Variants in ZNF880 observed in about 807,000 individuals in gnomAD.
ZNF880 encodes zinc finger protein 880.
In ZNF880, 12 loss-of-function variants were observed where a neutral mutation model predicts 11.8. That is an observed-to-expected ratio of 1.02 (90% CI 0.65 to 1.65). ZNF880 has a LOEUF of 1.65. Ranked by LOEUF, ZNF880 falls within the 40% of genes most tolerant of loss-of-function variation. ZNF880 has a pLI of 0.00. For missense variants in ZNF880, 601 were observed against 673.9 expected, an observed-to-expected ratio of 0.89 and a Z score of 1.20; for synonymous variants, 210 against 232.4, an observed-to-expected ratio of 0.90 and a Z score of 0.88.
chr19:52,368,973 CAAAAAAAAAAAAAAAAA>C (rs3029482), upstream of ZNF880, among the ~76,000 whole-genome samples: 1 of 71,854 alleles, frequency 1.4e-5, no homozygotes, highest in Admixed American at 2.2e-4. Flanking sequence ...GAGACCATCT[CAAAAAAAAAAAAAAAAA>C]AAAAAAAAAA....
chr19:52,368,092 G>C (rs1210240303), upstream of ZNF880, among the ~76,000 whole-genome samples: 1 of 151,526 alleles, frequency 6.6e-6, no homozygotes, highest in Non-Finnish European at 1.5e-5. Flanking sequence ...TGTAATCCCA[G>C]CTACTTGGGA....
At chr19:52,393,870 T>A in the ZNF880 span, among the ~76,000 whole-genome samples, 1 of 127,042 alleles carries the variant, frequency 7.9e-6, no homozygotes, top group African/African-American at 2.9e-5. Flanking sequence ...GGAGTCTTGC[T>A]CTGTCGCCCA....
chr19:52,376,542 C>A (rs1334300668), intron 3 of ZNF880, among the ~76,000 whole-genome samples: 3 of 106,910 alleles, frequency 2.8e-5, no homozygotes, highest in Non-Finnish European at 5.2e-5. Context: ...CAGCGTCTTG[C>A]TCTGTCGCCC....
the ZNF880 span, among the ~76,000 whole-genome samples, chr19:52,393,613 C>G: frequency 1.7e-4 from 26 of 152,140 alleles, no homozygotes; most frequent in South Asian, 1.0e-3. Context: ...TTCTACATAA[C>G]TGCTAACCTT....
At chr19:52,383,724 T>TA in intron 3 of ZNF880, 125 bp from the exon 4 acceptor site, 1 of 1,044,530 alleles carries the variant, frequency 9.6e-7, no homozygotes, top group Non-Finnish European at 1.4e-6. Context: ...GCCAGCATGA[T>TA]ACACACAGTA....
intron 3 of ZNF880, 145 bp from the exon 4 acceptor site, chr19:52,383,704 T>C: frequency 2.2e-6 from 2 of 901,516 alleles, no homozygotes; most frequent in Non-Finnish European, 3.4e-6. Context: ...TCCCTTTTGT[T>C]TTCTGCACTG....
upstream of ZNF880, chr19:52,369,863 C>T: frequency 1.4e-6 from 2 of 1,452,480 alleles, no homozygotes; most frequent in Non-Finnish European, 1.9e-6. Flanking sequence ...CGGAGGGAAG[C>T]GCAGGCTCCG....
downstream of ZNF880, among the ~76,000 whole-genome samples, chr19:52,387,241 TGTG>T (rs1219016304): frequency 1.3e-4 from 18 of 143,994 alleles, 2 homozygotes; most frequent in East Asian, 4.0e-4. Flanking sequence ...TGCACACACT[TGTG>T]GTGCATATCC....
chr19:52,366,875 A>C (rs1986125561), upstream of ZNF880: 1 of 816,226 alleles, frequency 1.2e-6, no homozygotes, highest in Non-Finnish European at 1.9e-6. Flanking sequence ...GTTTGCATTG[A>C]AGCCTCATCA....
intron 2 of ZNF880, 61 bp from the exon 3 acceptor site, chr19:52,374,238 A>C: frequency 2.9e-6 from 4 of 1,369,448 alleles, no homozygotes; most frequent in Non-Finnish European, 3.9e-6. Flanking sequence ...ATTTTTTAGT[A>C]GAGATGGGGT....
chr19:52,390,359 G>C (rs2058703389), downstream of ZNF880: 1 of 419,562 alleles, frequency 2.4e-6, no homozygotes, highest in South Asian at 1.7e-5. Flanking sequence ...ACTCTTCCTG[G>C]TCCTGGGATC....
At chr19:52,382,607 A>T (rs1409787375) in intron 3 of ZNF880, among the ~76,000 whole-genome samples, 1 of 152,176 alleles carries the variant, frequency 6.6e-6, no homozygotes, top group Non-Finnish European at 1.5e-5. Flanking sequence ...ATTTCCTCTC[A>T]CTGCCTTCTA....
the ZNF880 span, among the ~76,000 whole-genome samples, chr19:52,394,091 G>A: frequency 5.7e-4 from 87 of 151,700 alleles, 1 homozygote; most frequent in East Asian, 3.5e-3. Context: ...CACCTGCCTT[G>A]GCCTCCCAAA....
rs199978957 is a variant in ZNF880 at position 52,374,330 on chromosome 19, C to T, written c.171C>T (p.Ser57=). The T allele has an allele frequency of 5.6e-6, 9 of 1,613,402 alleles. No individual in the cohort carries two copies. The highest frequency in any genetic ancestry group is 7.6e-6 in the Non-Finnish European group (9 of 1,179,916). Residue 57 remains serine, a synonymous_variant, in exon 3 of 4, where the codon TCC becomes TCT. Transcript: ENST00000422689. ...GICLPDLSVI[S]MLEQRRDPRN... Reference sequence around the variant, plus strand: ...GTCTTCCTGACCTGAGTGTTATCTCCATGTTGGAGCAAAGGAGAGATCCCC... The same window carrying T: ...GTCTTCCTGACCTGAGTGTTATCTCTATGTTGGAGCAAAGGAGAGATCCCC...
rs1361727250 is a variant in ZNF880 at position 52,369,983 on chromosome 19, T to C, written c.12+6T>C. On this transcript the variant is annotated splice_donor_region_variant and intron_variant, in intron 1 of 3. Transcript: ENST00000422689. ...TGACGGTCATGCTGCGGCGTGTGAG[T>C]TTCCCTTTGTTTAGATTAAATCTGG... The C allele has an allele frequency of 7.7e-6, 12 of 1,551,374 alleles. No individual in the cohort carries two copies. The highest frequency in any genetic ancestry group is 9.6e-6 in the Non-Finnish European group (11 of 1,146,962).
In ZNF880 at chr19:52,384,060, A is replaced by C. The variant is rs1986779696; in HGVS notation, c.480A>C (p.Lys160Asn). The change falls in exon 4 of 4, where the codon AAA becomes AAC. Residue 160 changes from lysine to asparagine, a missense_variant. Transcript: ENST00000422689. Reference protein sequence around the residue: ...YSSVKSHILNKYRNDFDDSPF... With the variant: ...YSSVKSHILNNYRNDFDDSPF... ...GTGTCAAATCCCACATTTTAAATAA[A>C]TACAGAAATGATTTTGATGATTCTC... The C allele has an allele frequency of 6.4e-7, 1 of 1,567,686 alleles. No homozygotes were observed. The highest frequency in any genetic ancestry group is 1.4e-5 in the African/African-American group (1 of 73,460).
chr19:52,388,215 T>G (rs993553877), downstream of ZNF880, among the ~76,000 whole-genome samples: 1 of 150,834 alleles, frequency 6.6e-6, no homozygotes, highest in African/African-American at 2.4e-5. Context: ...ATGGGAGTTT[T>G]TTTTGCTTTT....
chr19:52,376,785 T>C lies in ZNF880; in HGVS notation c.268+2358T>C, dbSNP rs373181830. On this transcript the variant is annotated intron_variant, in intron 3 of 3. Coordinates refer to ENST00000422689, the MANE Select transcript of ZNF880 (RefSeq NM_001145434.2). ...TTGGGCTCCCAAAATGCTGGGATTA[T>C]AGGGGTGAGAGACTGTGCCCGGCCC... Among the ~76,000 whole-genome samples, 6 of 152,240 alleles carry C rather than the reference T, an allele frequency of 3.9e-5. No individual in the cohort carries two copies. The East Asian group carries it at 1.2e-3, about 29-fold the overall frequency.
chr19:52,374,554 C>T (rs1986499413), intron 3 of ZNF880, 127 bp downstream of exon 3: 1 of 1,144,926 alleles, frequency 8.7e-7, no homozygotes, highest in Non-Finnish European at 1.3e-6. Context: ...AACTCATAGC[C>T]TCAAACTCCT....
Sources: allele counts gnomAD v4.1 joint callset (sites outside exome capture counted in the v4.1 genomes callset), GRCh38; gene constraint gnomAD v4.1.1; transcripts MANE v1.5; gene names NCBI Gene and HGNC (gene_info 2026-07-23, HGNC 2026-07-21).